Variants in TNPO1 observed in about 807,000 individuals in gnomAD.
TNPO1 encodes the protein transportin 1, also known as transportin-1.
In TNPO1, 8 loss-of-function variants were observed where a neutral mutation model predicts 119.5. The observed-to-expected ratio is 0.07, with a 90% CI of 0.04 to 0.12. TNPO1 has a LOEUF of 0.12. TNPO1 is among the 10% of genes least tolerant of loss of function. The pLI is 1.00. For synonymous variants in TNPO1, 362 were observed against 363.0 expected, an observed-to-expected ratio of 1.00 and a Z score of 0.03; for missense variants, 576 against 1,089.8, an observed-to-expected ratio of 0.53 and a Z score of 6.64.
intron 6 of TNPO1, among the ~76,000 whole-genome samples, chr5:72,868,286 G>C (rs1747083073): frequency 6.6e-6 from 1 of 151,892 alleles, no homozygotes; most frequent in Admixed American, 6.6e-5. Context: ...CAAAAAATTA[G>C]CCGGGCATGG....
intron 24 of TNPO1, 54 bp downstream of exon 24, chr5:72,905,499 TGTC>T: frequency 1.2e-6 from 1 of 841,144 alleles, no homozygotes; most frequent in South Asian, 1.6e-5. Flanking sequence ...TTGTTAGGGC[TGTC>T]ATTTCAAACT....
chr5:72,873,616 T>G (rs1341199348), intron 7 of TNPO1, among the ~76,000 whole-genome samples: 1 of 152,154 alleles, frequency 6.6e-6, no homozygotes, highest in Admixed American at 6.5e-5. Context: ...CTAGGGATAC[T>G]TAAATTTTAT....
intron 22 of TNPO1, 99 bp downstream of exon 22, chr5:72,901,172 A>G: frequency 1.4e-6 from 1 of 695,740 alleles, no homozygotes; most frequent in African/African-American, 1.8e-5. Flanking sequence ...AACTATTTTC[A>G]AAGGTATCAA....
intron 1 of TNPO1, among the ~76,000 whole-genome samples, chr5:72,837,442 G>T (rs540443367): frequency 1.3e-5 from 2 of 152,266 alleles, no homozygotes; most frequent in African/African-American, 4.8e-5. Context: ...ATTCACGAGG[G>T]CAGAGCCTTC....
In TNPO1 at chr5:72,883,167, T is replaced by C; in HGVS notation, c.1085T>C (p.Ile362Thr). 1.2e-6 allele frequency: 2 copies of C among 1,610,910 alleles called. No individual in the cohort carries two copies. Among genetic ancestry groups the C allele is most frequent in the Non-Finnish European group, 1.7e-6 (2 of 1,177,170 alleles). The change falls in exon 11 of 25, where the codon ATT becomes ACT. Residue 362 changes from isoleucine to threonine, a missense_variant. Physicochemically the swap from Ile to Thr is moderately conservative, Grantham distance 89. Around this residue, in one of 6 missense-constraint regions of TNPO1, gnomAD observed 310 missense variants for 583.0 expected, o/e 0.53. Transcript: ENST00000337273. ...GCTCAGCAGCATGATGAAGATGGAATTGAAGAGGAAGATGATGATGATGAT... is the reference window on the plus strand; with the variant it reads ...GCTCAGCAGCATGATGAAGATGGAACTGAAGAGGAAGATGATGATGATGAT... ...TVAQQHDEDG[I>T]EEEDDDDDEI...
chr5:72,838,555 C>A (rs984233884), intron 1 of TNPO1, among the ~76,000 whole-genome samples: 8 of 152,146 alleles, frequency 5.3e-5, no homozygotes, highest in Non-Finnish European at 1.0e-4. Context: ...TCCTTAAATT[C>A]AGTAAGTATA....
rs750888672 is a variant in TNPO1 at position 72,883,177 on chromosome 5, A to AGAT, written c.1110_1112dup (p.Asp370dup). 3.8e-5 allele frequency: 61 copies of AGAT among 1,602,532 alleles called. No individual in the cohort carries two copies. The East Asian group carries it at 4.7e-4, about 12-fold the overall frequency. On this transcript the variant is annotated inframe_insertion, in exon 11 of 25. Transcript: ENST00000337273. ...ATGATGAAGATGGAATTGAAGAGGA[A>AGAT]GATGATGATGATGATGAAATTGATG...
At chr5:72,902,281 C>G (rs774376142) in intron 22 of TNPO1, among the ~76,000 whole-genome samples, 1 of 151,980 alleles carries the variant, frequency 6.6e-6, no homozygotes, top group Non-Finnish European at 1.5e-5. Context: ...TTGATGTTTC[C>G]TAGCTCGTAT....
intron 6 of TNPO1, among the ~76,000 whole-genome samples, chr5:72,870,946 T>C (rs1747347704): frequency 2.0e-5 from 3 of 152,166 alleles, no homozygotes; most frequent in African/African-American, 7.2e-5. Context: ...AATGAATGAA[T>C]TGTAGGTTGC....
intron 4 of TNPO1, among the ~76,000 whole-genome samples, chr5:72,859,294 C>T (rs1746250703): frequency 6.6e-6 from 1 of 152,142 alleles, no homozygotes. Flanking sequence ...TGTTAATCAG[C>T]ACACCTGACC....
At chr5:72,886,781 CAG>C (rs1021333938) in intron 11 of TNPO1, among the ~76,000 whole-genome samples, 6 of 149,736 alleles carry the variant, frequency 4.0e-5, no homozygotes, top group Non-Finnish European at 5.9e-5. Context: ...CCCAGCTACT[CAG>C]GGGGCTAAAG....
chr5:72,847,613 C>T (rs1415846092), intron 1 of TNPO1, among the ~76,000 whole-genome samples: 2 of 152,116 alleles, frequency 1.3e-5, no homozygotes, highest in Non-Finnish European at 2.9e-5. Context: ...TATTGTGTTT[C>T]CTTCGACCCA....
chr5:72,902,440 T>C (rs997847062), intron 22 of TNPO1, among the ~76,000 whole-genome samples: 3 of 152,094 alleles, frequency 2.0e-5, no homozygotes, highest in African/African-American at 7.2e-5. Flanking sequence ...CATAACTTAC[T>C]GTTAGAACAA....
intron 1 of TNPO1, among the ~76,000 whole-genome samples, chr5:72,837,922 A>G (rs997329431): frequency 7.2e-5 from 11 of 152,020 alleles, no homozygotes; most frequent in African/African-American, 2.7e-4. Context: ...TGCTTCCTCT[A>G]CTCCATCAGG....
At chr5:72,848,167 A>G (rs1365346414) in intron 1 of TNPO1, 79 of 1,215,042 alleles carry the variant, frequency 6.5e-5, no homozygotes, top group Non-Finnish European at 7.8e-5. Flanking sequence ...CGGCGGCAGC[A>G]GCAGCAGACG....
At chr5:72,889,751 G>A in intron 13 of TNPO1, 35 bp from the exon 14 acceptor site, 9 of 1,549,918 alleles carry the variant, frequency 5.8e-6, no homozygotes, top group Non-Finnish European at 6.9e-6. Context: ...ATATCTTACA[G>A]TCAATAAGTA....
At chr5:72,886,159 TTTG>T (rs1748611632) in intron 11 of TNPO1, among the ~76,000 whole-genome samples, 1 of 151,898 alleles carries the variant, frequency 6.6e-6, no homozygotes, top group East Asian at 1.9e-4. Flanking sequence ...AAATGATATT[TTTG>T]TTGTTCTTTT....
chr5:72,884,699 C>T (rs920821840), intron 11 of TNPO1, among the ~76,000 whole-genome samples: 5 of 152,096 alleles, frequency 3.3e-5, no homozygotes, highest in Admixed American at 6.6e-5. Flanking sequence ...CTCTACTGCT[C>T]TAGTTCAGGG....
At position 72,908,852 on chromosome 5, in the gene TNPO1, G is replaced by A. The variant is rs1750359147; in HGVS notation, c.*179G>A. 2 of 452,506 alleles carry A rather than the reference G, an allele frequency of 4.4e-6. No homozygotes were observed. The highest frequency in any genetic ancestry group is 7.0e-5 in the East Asian group (1 of 14,200). 28.0% of individuals were successfully genotyped at this position (452,506 alleles called of 1,614,324 possible). A position where few individuals can be genotyped will look rare whatever the true frequency, so the allele number is the denominator to read the frequency against. On this transcript the variant is annotated 3_prime_UTR_variant, in exon 25 of 25. Transcript: ENST00000337273. ...GCGGGAGGGAGGTGTTGCCGTCACT[G>A]TATTAAGTCGATGTTGGGAAACGTT...
Sources: allele counts gnomAD v4.1 joint callset (sites outside exome capture counted in the v4.1 genomes callset), GRCh38; gene constraint gnomAD v4.1.1; regional missense constraint gnomAD v4.1.1; transcripts MANE v1.5; gene names NCBI Gene and HGNC (gene_info 2026-07-23, HGNC 2026-07-21).